Variants in PLD1 observed in about 807,000 individuals in gnomAD.
PLD1 encodes phospholipase D1, also known as choline phosphatase 1.
In PLD1, 112 loss-of-function variants were observed where a neutral mutation model predicts 137.1. The ratio of observed to expected loss-of-function variants is 0.82; its 90% CI spans 0.70 to 0.96. The LOEUF (loss-of-function observed/expected upper bound fraction) is 0.96. Ranked by LOEUF, PLD1 falls within the 40% of genes least tolerant of loss-of-function variation. The probability of loss-of-function intolerance (pLI) is 0.00; values close to 1 mark genes in which losing one functional copy is unlikely to be tolerated. For missense variants in PLD1, 1,321 were observed against 1,342.0 expected, an observed-to-expected ratio of 0.98 and a Z score of 0.24; for synonymous variants, 431 against 454.7, an observed-to-expected ratio of 0.95 and a Z score of 0.66.
intron 1 of PLD1, among the ~76,000 whole-genome samples, chr3:171,761,061 A>G: frequency 6.6e-6 from 1 of 152,244 alleles, no homozygotes; most frequent in East Asian, 1.9e-4. Flanking sequence ...AGATAAATGT[A>G]TACATCTTCA....
intron 23 of PLD1, among the ~76,000 whole-genome samples, chr3:171,622,496 T>A (rs1733723212): frequency 6.6e-6 from 1 of 152,110 alleles, no homozygotes; most frequent in African/African-American, 2.4e-5. Flanking sequence ...AGACATTATA[T>A]TGATCAATCT....
intron 1 of PLD1, among the ~76,000 whole-genome samples, chr3:171,796,189 T>C (rs1723429165): frequency 6.6e-6 from 1 of 152,260 alleles, no homozygotes; most frequent in South Asian, 2.1e-4. Context: ...GATATGTCCC[T>C]TACCCAAAAG....
chr3:171,689,803 T>C (rs1714967550), intron 13 of PLD1, among the ~76,000 whole-genome samples: 1 of 152,244 alleles, frequency 6.6e-6, no homozygotes, highest in South Asian at 2.1e-4. Flanking sequence ...TACCTGGCCT[T>C]ACTGTTTTCT....
chr3:171,711,449 G>A (rs987099629), intron 9 of PLD1, among the ~76,000 whole-genome samples: 7 of 152,004 alleles, frequency 4.6e-5, no homozygotes, highest in Non-Finnish European at 7.4e-5. Flanking sequence ...GATTATAGGC[G>A]TGAGCCACCG....
chr3:171,787,879 G>GA (rs200236551), intron 1 of PLD1, among the ~76,000 whole-genome samples: 71 of 149,330 alleles, frequency 4.8e-4, no homozygotes, highest in African/African-American at 1.2e-3. Context: ...TATTTTGTAA[G>GA]AAAAAAAAAA....
chr3:171,644,790 T>G (rs1422810782), intron 22 of PLD1, 120 bp downstream of exon 22: 1 of 675,714 alleles, frequency 1.5e-6, no homozygotes, highest in Non-Finnish European at 2.7e-6. Context: ...GAAAGTAAAA[T>G]AAAGTGTTCA....
In PLD1 at chr3:171,660,767, G is replaced by A. The variant is rs572147899; in HGVS notation, c.2340+1293C>T. Among the ~76,000 whole-genome samples, 12 of 151,912 alleles carry A rather than the reference G, an allele frequency of 7.9e-5. No individual in the cohort carries two copies. The South Asian group carries it at 1.2e-3, about 16-fold the overall frequency. ...ATTACAGGTGCCCGCCACCATGCCC[G>A]GCTAATTTTTTTGTATTTTTAGTAG... is the stretch of plus-strand genomic sequence containing the variant. On this transcript the variant is annotated intron_variant, in intron 20 of 26. Transcript: ENST00000351298.
chr3:171,764,970 GAA>G lies in PLD1; in HGVS notation c.-31-26890_-31-26889del, dbSNP rs1553846078. ...AGAAAGAAAGAAAGAAAGAAAGAAA[GAA>G]AGAAAGAAAGAAAGAAAGAAAGAAA... On this transcript the variant is annotated intron_variant, in intron 1 of 26. Coordinates refer to ENST00000351298, the MANE Select transcript of PLD1 (RefSeq NM_002662.5). 4.8e-5 allele frequency among the ~76,000 whole-genome samples: 3 copies of G among 63,060 alleles called. 1 individual carries two copies. The highest frequency in any genetic ancestry group is 1.3e-4 in the African/African-American group (3 of 23,680). The allele number at this position is 63,060 out of a possible 152,430, so 41.4% of individuals were successfully genotyped here.
At chr3:171,808,981 C>T (rs957480273) in intron 1 of PLD1, among the ~76,000 whole-genome samples, 7 of 151,934 alleles carry the variant, frequency 4.6e-5, no homozygotes, top group East Asian at 1.9e-4. Context: ...TGTGCCACCA[C>T]GCCTGGCTAA....
intron 25 of PLD1, among the ~76,000 whole-genome samples, chr3:171,610,669 T>C (rs1251009960): frequency 6.6e-6 from 1 of 152,256 alleles, no homozygotes; most frequent in Non-Finnish European, 1.5e-5. Context: ...CAAAAGGAAG[T>C]ATTTGTCTTT....
rs965457589 is a variant in PLD1 at position 171,714,034 on chromosome 3, A to G, written c.770T>C (p.Val257Ala). The change falls in exon 9 of 27, where the codon GTG becomes GCG. Residue 257 changes from valine (V) to alanine (A), a missense_variant. By Grantham distance (64) the Val-to-Ala change is moderately conservative. Coordinates refer to ENST00000351298, the MANE Select transcript of PLD1 (RefSeq NM_002662.5). ...CYRWSKRWLI[V>A]KDSFLLYMKP... is the part of the protein sequence containing the mutation. ...CATATACAATAAAAAGGAATCTTTC[A>G]CTATTAACCATCTGTAAGAAGGTAG... 2 of 1,598,292 alleles carry G rather than the reference A, an allele frequency of 1.3e-6. No individual in the cohort carries two copies. The highest frequency in any genetic ancestry group is 2.7e-5 in the African/African-American group (2 of 74,586).
intron 16 of PLD1, among the ~76,000 whole-genome samples, chr3:171,680,242 C>CTTTTTTTTTTTT (rs571538714): frequency 1.9e-5 from 2 of 102,928 alleles, no homozygotes; most frequent in Non-Finnish European, 1.9e-5. Context: ...TTTTCTTCCT[C>CTTTTTTTTTTTT]TTTTTTTTTT....
At chr3:171,774,940 G>A (rs1722537783) in intron 1 of PLD1, among the ~76,000 whole-genome samples, 1 of 152,180 alleles carries the variant, frequency 6.6e-6, no homozygotes, top group South Asian at 2.1e-4. Context: ...ACAGTCCTTT[G>A]CCTAGACAGC....
intron 17 of PLD1, 67 bp from the exon 18 acceptor site, chr3:171,676,900 C>A: frequency 1.9e-6 from 2 of 1,073,350 alleles, no homozygotes; most frequent in Non-Finnish European, 2.8e-6. Flanking sequence ...TCTCTGACTC[C>A]AACTATGAAA....
Position 171,603,294 on chromosome 3 carries a change from C to A in PLD1, c.3009G>T (p.Arg1003=). 3 of 1,612,878 alleles carry A rather than the reference C, an allele frequency of 1.9e-6. No individual in the cohort carries two copies. The highest frequency in any genetic ancestry group is 1.7e-6 in the Non-Finnish European group (2 of 1,179,016). ...RNATIYDKVF[R]CLPNDEVHNL... ...TGTGTACTTCATCATTGGGAAGGCA[C>A]CGGAAAACCTGATTAGAGCATAAAT... The change falls in exon 27 of 27, where the codon CGG becomes CGT. Residue 1003 remains arginine, a synonymous_variant. Transcript: ENST00000351298.
intron 23 of PLD1, among the ~76,000 whole-genome samples, chr3:171,627,651 A>G (rs1267524714): frequency 6.6e-6 from 1 of 152,242 alleles, no homozygotes; most frequent in African/African-American, 2.4e-5. Context: ...AGAAATTATA[A>G]CAAACTATCT....
intron 13 of PLD1, 125 bp from the exon 14 acceptor site, chr3:171,689,001 T>C (rs1431678083): frequency 3.1e-6 from 2 of 655,246 alleles, no homozygotes; most frequent in East Asian, 5.5e-5. Flanking sequence ...GTACAACGTA[T>C]ACACCAAAGA....
intron 23 of PLD1, among the ~76,000 whole-genome samples, chr3:171,634,581 A>G (rs1734945566): frequency 6.6e-6 from 1 of 152,188 alleles, no homozygotes; most frequent in Admixed American, 6.5e-5. Flanking sequence ...TCTTTTGTCT[A>G]AAGTTGCTTA....
intron 23 of PLD1, among the ~76,000 whole-genome samples, chr3:171,623,972 G>C (rs1376827195): frequency 8.6e-6 from 1 of 116,630 alleles, no homozygotes; most frequent in Non-Finnish European, 1.8e-5. Flanking sequence ...TCAAATGTAA[G>C]AAAGATTTTG....
Sources: gnomAD v4.1 joint callset for allele counts (sites outside exome capture counted in the v4.1 genomes callset) on GRCh38, gnomAD v4.1.1 for gene constraint, MANE v1.5 for transcripts, NCBI Gene and HGNC (gene_info 2026-07-23, HGNC 2026-07-21) for gene names.